UNC45B: variants seen among roughly 807,000 people sequenced by gnomAD.
The protein encoded by UNC45B is protein unc-45 homolog B.
Under a neutral mutation model 98.7 loss-of-function variants are expected in UNC45B, and 78 were observed. That is an observed-to-expected ratio of 0.79 (90% confidence interval 0.66 to 0.95). The LOEUF (loss-of-function observed/expected upper bound fraction) is 0.95. UNC45B is among the 40% of genes least tolerant of loss of function. The pLI is 0.00. For synonymous variants in UNC45B, 462 were observed against 480.4 expected (o/e 0.96, Z 0.50); for missense variants, 1,225 against 1,184.9 (o/e 1.03, Z -0.50).
rs2092087424 is a variant in UNC45B at position 35,159,491 on chromosome 17, AG to A, written c.927del (p.Lys310ArgfsTer19). ...ALNLLNKNVP[R>X]KDLAIHDNSR... is the part of the protein sequence containing the mutation. Reference sequence around the variant, plus strand: ...GAACCTGCTCAATAAGAATGTTCCCAGGAAGGACCTTGCCATTCATGACAAC... The same window carrying A: ...GAACCTGCTCAATAAGAATGTTCCCAGAAGGACCTTGCCATTCATGACAAC... On this transcript the variant is annotated frameshift_variant, in exon 8 of 20. Transcript: ENST00000394570. LOFTEE classifies it high-confidence loss of function. 1 of 1,614,172 alleles carries A rather than the reference AG, an allele frequency of 6.2e-7. No individual in the cohort carries two copies. The highest frequency in any genetic ancestry group is 8.5e-7 in the Non-Finnish European group (1 of 1,180,018).
intron 13 of UNC45B, among the ~76,000 whole-genome samples, chr17:35,172,236 T>C (rs974472611): frequency 2.0e-5 from 3 of 152,192 alleles, no homozygotes; most frequent in Non-Finnish European, 2.9e-5. Flanking sequence ...TCTCATTCTC[T>C]GAATCATTTT....
chr17:35,165,769 C>T (rs2092134638), intron 9 of UNC45B, among the ~76,000 whole-genome samples: 1 of 152,020 alleles, frequency 6.6e-6, no homozygotes. Flanking sequence ...GAAACCCCAT[C>T]TCTACTAAAA....
At position 35,163,981 on chromosome 17, in the gene UNC45B, T is replaced by C; in HGVS notation, c.980-14T>C. The C allele has an allele frequency of 6.3e-7, 1 of 1,597,884 alleles. No individual in the cohort carries two copies. The highest frequency in any genetic ancestry group is 8.5e-7 in the Non-Finnish European group (1 of 1,172,894). On this transcript the variant is annotated splice_polypyrimidine_tract_variant and intron_variant, in intron 8 of 19. Transcript: ENST00000394570. ...CCAGCAGGAATCTTAGGCTTGCCACTGTCTACCCTGCAGGTCTGAGGAAGA... is the reference window on the plus strand; with the variant it reads ...CCAGCAGGAATCTTAGGCTTGCCACCGTCTACCCTGCAGGTCTGAGGAAGA...
intron 1 of UNC45B, 148 bp from the exon 2 acceptor site, chr17:35,148,116 G>T: frequency 1.2e-6 from 1 of 816,564 alleles, no homozygotes; most frequent in Admixed American, 2.9e-5. Context: ...ATAGATTTGG[G>T]GGTTCTGGGG....
chr17:35,152,822 TG>T lies in UNC45B; in HGVS notation c.382-70del. On this transcript the variant is annotated intron_variant, in intron 4 of 19. Coordinates refer to ENST00000394570, the MANE Select transcript of UNC45B (RefSeq NM_001267052.2). Reference sequence around the variant, plus strand: ...AGTAGACACCTGATATTTACTGAGATGAACTGAATGTGGAGCTGAAATGACG... The same window carrying T: ...AGTAGACACCTGATATTTACTGAGATAACTGAATGTGGAGCTGAAATGACG... The T allele has an allele frequency of 2.6e-6, 3 of 1,150,726 alleles. No individual in the cohort carries two copies. The South Asian group carries it at 3.7e-5, about 14-fold the overall frequency. The allele number at this position is 1,150,726 out of a possible 1,614,324, so 71.3% of individuals were successfully genotyped here.
chr17:35,152,659 A>G (rs1049132508), intron 4 of UNC45B, among the ~76,000 whole-genome samples: 2 of 152,236 alleles, frequency 1.3e-5, no homozygotes, highest in Non-Finnish European at 2.9e-5. Flanking sequence ...TGGGATAACA[A>G]ATGTAACCAG....
At position 35,188,282 on chromosome 17, in the gene UNC45B, C is replaced by T. The variant is rs934322136; in HGVS notation, c.*1723C>T. 2 of 152,084 alleles carry T rather than the reference C, an allele frequency of 1.3e-5. No individual in the cohort carries two copies. Among genetic ancestry groups the T allele is most frequent in the African/African-American group, 4.8e-5 (2 of 41,406 alleles). 9.4% of individuals were successfully genotyped at this position (152,084 alleles called of 1,614,324 possible). On this transcript the variant is annotated 3_prime_UTR_variant, in exon 20 of 20. Coordinates refer to ENST00000394570, the MANE Select transcript of UNC45B (RefSeq NM_001267052.2). The stretch of plus-strand genomic sequence containing the variant: ...TACACAATAAATGGCATGATTTGAC[C>T]TCTGTCAAATTCTTCTTTCCTGCTT...
Position 35,159,537 on chromosome 17 carries a change from T to C in UNC45B, c.971T>C (p.Val324Ala), listed in dbSNP as rs2092087992. 1.9e-6 allele frequency: 3 copies of C among 1,612,928 alleles called. No individual in the cohort carries two copies. In the South Asian group the frequency reaches 3.3e-5, roughly 18 times the overall value. The change falls in exon 8 of 20, where the codon GTG becomes GCG. Residue 324 changes from valine to alanine, a missense_variant. Coordinates refer to ENST00000394570, the MANE Select transcript of UNC45B (RefSeq NM_001267052.2). Reference sequence around the variant, plus strand: ...GACAACTCACGTACCATCTATGTGGTGGATAATGGTGAGAAGAGGGGAAGG... The same window carrying C: ...GACAACTCACGTACCATCTATGTGGCGGATAATGGTGAGAAGAGGGGAAGG... ...IHDNSRTIYV[V>A]DNGLRKILKV...
intron 9 of UNC45B, among the ~76,000 whole-genome samples, chr17:35,165,492 C>T (rs563836815): frequency 1.3e-5 from 2 of 152,204 alleles, no homozygotes. Context: ...CCAGGTGAGT[C>T]TTAGGTGGGT....
At chr17:35,182,367 G>A (rs2092279403) in intron 18 of UNC45B, among the ~76,000 whole-genome samples, 1 of 151,844 alleles carries the variant, frequency 6.6e-6, no homozygotes, top group South Asian at 2.1e-4. Context: ...GGGATTACAG[G>A]CGTGAGCCAC....
At chr17:35,184,488 G>A (rs1314296453) in intron 19 of UNC45B, among the ~76,000 whole-genome samples, 1 of 152,204 alleles carries the variant, frequency 6.6e-6, no homozygotes, top group Non-Finnish European at 1.5e-5. Context: ...CTCTGCTGGT[G>A]TCACTGGTCA....
At chr17:35,161,052 C>A (rs2092098981) in intron 8 of UNC45B, among the ~76,000 whole-genome samples, 2 of 152,192 alleles carry the variant, frequency 1.3e-5, no homozygotes, top group South Asian at 2.1e-4. Context: ...CTGCTAAATG[C>A]CCAAACCCCA....
intron 13 of UNC45B, among the ~76,000 whole-genome samples, chr17:35,172,963 G>T (rs2092198540): frequency 6.6e-6 from 1 of 152,160 alleles, no homozygotes; most frequent in South Asian, 2.1e-4. Context: ...ATTAGGTAAG[G>T]CAAGGAAGAA....
In UNC45B at chr17:35,170,651, C is replaced by A. The variant is rs1012334737; in HGVS notation, c.1689+396C>A. On this transcript the variant is annotated intron_variant, in intron 12 of 19. Transcript: ENST00000394570. ...TGGGGTTCAGGACCAGCCTAGGCAA[C>A]ATGGTGAAACCCCAACTCTACAAAA... Among the ~76,000 whole-genome samples, 9 of 150,704 alleles carry A rather than the reference C, an allele frequency of 6.0e-5. No individual in the cohort carries two copies. In the East Asian group the frequency reaches 1.8e-3, roughly 30 times the overall value.
intron 5 of UNC45B, 149 bp downstream of exon 5, chr17:35,153,131 T>C (rs936702643): frequency 1.2e-5 from 7 of 607,826 alleles, no homozygotes; most frequent in Non-Finnish European, 2.0e-5. Flanking sequence ...GAACACAGTG[T>C]AAACCATAAG....
chr17:35,151,259 C>T (rs200990190), intron 4 of UNC45B: 1 of 225,198 alleles, frequency 4.4e-6, no homozygotes, highest in Non-Finnish European at 9.1e-6. Flanking sequence ...AGGTCGCGGG[C>T]CTCGATCAGA....
chr17:35,163,079 C>T (rs986640447), intron 8 of UNC45B, among the ~76,000 whole-genome samples: 1 of 152,202 alleles, frequency 6.6e-6, no homozygotes, highest in Non-Finnish European at 1.5e-5. Context: ...CTTGACTTCT[C>T]TAAGTCTTGT....
chr17:35,180,767 T>G, intron 18 of UNC45B, 91 bp downstream of exon 18: 2 of 893,210 alleles, frequency 2.2e-6, no homozygotes, highest in Non-Finnish European at 3.6e-6. Context: ...CGGGAGCTCT[T>G]ATGATGGCAT....
intron 13 of UNC45B, among the ~76,000 whole-genome samples, chr17:35,172,476 T>C (rs765277965): frequency 5.9e-5 from 9 of 152,232 alleles, no homozygotes; most frequent in Non-Finnish European, 8.8e-5. Context: ...CTCAAACTCC[T>C]GACCTCAAGT....
Sources: allele counts gnomAD v4.1 joint callset (sites outside exome capture counted in the v4.1 genomes callset), GRCh38; gene constraint gnomAD v4.1.1; transcripts MANE v1.5; gene names NCBI Gene and HGNC (gene_info 2026-07-23, HGNC 2026-07-21).